The following LGSN variants were observed in gnomAD, a reference collection of about 807,000 sequenced individuals.
LGSN encodes the protein lengsin, lens protein with glutamine synthetase domain.
In LGSN, 21 loss-of-function variants were observed where a neutral mutation model predicts 19.5. The ratio of observed to expected loss-of-function variants is 1.07; its 90% confidence interval spans 0.76 to 1.55. The LOEUF (loss-of-function observed/expected upper bound fraction) is 1.55. Among genes scored for constraint, LGSN ranks in the 40% most tolerant of loss-of-function variants. The probability of loss-of-function intolerance (pLI) is 0.00; values close to 1 mark genes in which losing one functional copy is unlikely to be tolerated. For missense variants in LGSN, 673 were observed against 608.5 expected (o/e 1.11, Z -1.12); for synonymous variants, 257 against 215.6 (o/e 1.19, Z -1.68).
At chr6:63,423,905 T>G in the LGSN span, among the ~76,000 whole-genome samples, 1 of 152,040 alleles carries the variant, frequency 6.6e-6, no homozygotes, top group Admixed American at 6.6e-5. Flanking sequence ...CCGGGCATGG[T>G]GGCGCATGCC....
the LGSN span, among the ~76,000 whole-genome samples, chr6:63,541,684 A>G: frequency 2.0e-5 from 3 of 152,170 alleles, no homozygotes; most frequent in African/African-American, 7.2e-5. Context: ...AGCAATTAGA[A>G]GCAATCAGAA....
At chr6:63,344,038 T>C in the LGSN span, among the ~76,000 whole-genome samples, 6 of 152,130 alleles carry the variant, frequency 3.9e-5, no homozygotes, top group South Asian at 6.2e-4. Context: ...TGAAAGAGCT[T>C]GGAAATACAT....
At chr6:63,464,730 T>C in the LGSN span, among the ~76,000 whole-genome samples, 4 of 151,694 alleles carry the variant, frequency 2.6e-5, no homozygotes, top group Non-Finnish European at 4.4e-5. Flanking sequence ...AACATACAAA[T>C]ATTTAAAACT....
the LGSN span, among the ~76,000 whole-genome samples, chr6:63,340,818 A>AT: frequency 6.6e-6 from 1 of 150,904 alleles, no homozygotes; most frequent in East Asian, 1.9e-4. Flanking sequence ...AGAAAGTCAT[A>AT]TTCCCTTGCT....
the LGSN span, among the ~76,000 whole-genome samples, chr6:63,505,634 A>AAAGAAATT: frequency 8.6e-5 from 11 of 127,290 alleles, 1 homozygote; most frequent in Non-Finnish European, 1.1e-4. Flanking sequence ...AGAAAGAAAG[A>AAAGAAATT]AATTCTGGCA....
chr6:63,471,955 G>A, the LGSN span, among the ~76,000 whole-genome samples: 11 of 152,136 alleles, frequency 7.2e-5, no homozygotes, highest in Non-Finnish European at 1.6e-4. Flanking sequence ...CTGTCTACAA[G>A]CAGGAAGAGA....
intron 1 of LGSN, among the ~76,000 whole-genome samples, chr6:63,300,635 C>T (rs1450288102): frequency 6.6e-6 from 1 of 151,994 alleles, no homozygotes; most frequent in African/African-American, 2.4e-5. Flanking sequence ...CACTGTACTC[C>T]AATCTGGGTG....
the LGSN span, among the ~76,000 whole-genome samples, chr6:63,427,107 G>T: frequency 6.8e-6 from 1 of 146,278 alleles, no homozygotes; most frequent in African/African-American, 2.5e-5. Flanking sequence ...GTACAATGGC[G>T]CAATCTCGGC....
chr6:63,536,211 G>A, the LGSN span, among the ~76,000 whole-genome samples: 1 of 152,126 alleles, frequency 6.6e-6, no homozygotes, highest in African/African-American at 2.4e-5. Flanking sequence ...GGTGCCTGCA[G>A]TCCCAGCTAC....
chr6:63,406,083 C>G, the LGSN span, among the ~76,000 whole-genome samples: 2 of 152,116 alleles, frequency 1.3e-5, 1 homozygote, highest in Non-Finnish European at 2.9e-5. Context: ...TAATGGGAGA[C>G]TTTAACACCC....
the LGSN span, among the ~76,000 whole-genome samples, chr6:63,449,974 T>C: frequency 1.3e-5 from 2 of 152,074 alleles, no homozygotes; most frequent in Admixed American, 6.6e-5. Context: ...TGTATCTGAA[T>C]GTGTGTGTGA....
chr6:63,425,706 T>G, the LGSN span, among the ~76,000 whole-genome samples: 3 of 151,988 alleles, frequency 2.0e-5, no homozygotes, highest in Non-Finnish European at 2.9e-5. Context: ...GGTGGGTGGC[T>G]GATGGCTGTA....
the LGSN span, among the ~76,000 whole-genome samples, chr6:63,479,139 C>A: frequency 6.6e-6 from 1 of 152,202 alleles, no homozygotes; most frequent in Non-Finnish European, 1.5e-5. Context: ...CAGGCCTCAA[C>A]CAATCACTGC....
At chr6:63,383,114 ATTTGTTTG>A in the LGSN span, among the ~76,000 whole-genome samples, 10 of 151,942 alleles carry the variant, frequency 6.6e-5, no homozygotes, top group South Asian at 2.1e-4. Context: ...GAGCAGATTT[ATTTGTTTG>A]TTTGTTTGTT....
chr6:63,505,453 C>T, the LGSN span, among the ~76,000 whole-genome samples: 77,834 of 146,206 alleles, frequency 0.53, 22,715 homozygotes, highest in African/African-American at 0.77. Flanking sequence ...CGGCACATAC[C>T]TGTAGTCCCA....
At chr6:63,529,137 G>GTATATATATGTGTGTATA in the LGSN span, among the ~76,000 whole-genome samples, 1 of 136,794 alleles carries the variant, frequency 7.3e-6, no homozygotes, top group African/African-American at 2.8e-5. Flanking sequence ...ATATGTGTGT[G>GTATATATATGTGTGTATA]TATATATATA....
Position 63,280,880 on chromosome 6 carries a change from A to G in LGSN, c.671T>C (p.Ile224Thr). 1 of 1,614,068 alleles carries G rather than the reference A, an allele frequency of 6.2e-7. No individual in the cohort carries two copies. Among genetic ancestry groups the G allele is most frequent in the South Asian group, 1.1e-5 (1 of 91,086 alleles). Residue 224 changes from isoleucine to threonine, a missense_variant, in exon 4 of 4, where the codon ATA (isoleucine) becomes ACA (threonine). Physicochemically the swap from Ile to Thr is moderately conservative, Grantham distance 89. Transcript: ENST00000370657. ...TAAAAATGTTAAAGCAGGAAAAGAT[A>G]TAATCTTTGAATTTAAAATTTCGGG... ...GVPEILNSKI[I>T]SFPALTFLNN... is the part of the protein sequence containing the mutation.
chr6:63,390,367 T>C, the LGSN span, among the ~76,000 whole-genome samples: 7 of 151,604 alleles, frequency 4.6e-5, no homozygotes, highest in African/African-American at 1.7e-4. Context: ...TAACCTCAGG[T>C]GATCCACCTG....
chr6:63,463,608 A>T, the LGSN span, among the ~76,000 whole-genome samples: 3 of 152,088 alleles, frequency 2.0e-5, no homozygotes, highest in Non-Finnish European at 4.4e-5. Flanking sequence ...GTGACTGCTG[A>T]TTCTCTGTAA....
Sources: allele counts gnomAD v4.1 joint callset (sites outside exome capture counted in the v4.1 genomes callset), GRCh38; gene constraint gnomAD v4.1.1; transcripts MANE v1.5; gene names NCBI Gene and HGNC (gene_info 2026-07-23, HGNC 2026-07-21).